The following BLTP3B variants were observed in gnomAD, a reference collection of about 807,000 sequenced individuals.
BLTP3B encodes the protein bridge-like lipid transfer protein family member 3B.
At chr12:100,040,093 T>G in the BLTP3B span, among the ~76,000 whole-genome samples, 4 of 152,208 alleles carry the variant, frequency 2.6e-5, no homozygotes, top group African/African-American at 9.6e-5. Context: ...AAAGGCTTAT[T>G]ATTAGATTAA....
At chr12:100,086,607 C>T in the BLTP3B span, among the ~76,000 whole-genome samples, 1 of 152,152 alleles carries the variant, frequency 6.6e-6, no homozygotes, top group African/African-American at 2.4e-5. Flanking sequence ...TGGTAGAGTT[C>T]ACAGATGATA....
At chr12:100,132,765 C>T in the BLTP3B span, among the ~76,000 whole-genome samples, 227 of 151,656 alleles carry the variant, frequency 1.5e-3, no homozygotes, top group African/African-American at 3.7e-3. Context: ...CTAGCCAACA[C>T]GGTGAAACCC....
the BLTP3B span, among the ~76,000 whole-genome samples, chr12:100,038,396 C>T: frequency 1.8e-4 from 28 of 152,192 alleles, no homozygotes; most frequent in East Asian, 1.2e-3. Flanking sequence ...AATACAATGG[C>T]GCAATCTCAG....
chr12:100,130,982 G>GGAGAGAGAGAGGGAGAGAGAGAGA, the BLTP3B span, among the ~76,000 whole-genome samples: 1 of 62,238 alleles, frequency 1.6e-5, no homozygotes, highest in Non-Finnish European at 2.9e-5. Context: ...AGAGAGGGAG[G>GGAGAGAGAGAGGGAGAGAGAGAGA]GAGAGAGAGA....
the BLTP3B span, chr12:100,097,619 T>A: frequency 1.7e-6 from 2 of 1,166,914 alleles, no homozygotes; most frequent in Admixed American, 2.8e-5. Context: ...ACATGACATT[T>A]TAGATATATT....
the BLTP3B span, chr12:100,095,666 C>T: frequency 6.2e-7 from 1 of 1,604,054 alleles, no homozygotes; most frequent in Non-Finnish European, 8.5e-7. Flanking sequence ...TTATAGCTTA[C>T]CTGTGTAGGT....
chr12:100,089,165 A>G, the BLTP3B span: 1 of 1,317,880 alleles, frequency 7.6e-7, no homozygotes, highest in Non-Finnish European at 1.0e-6. Flanking sequence ...AAATCTAAGT[A>G]TTTTCAGTCG....
the BLTP3B span, among the ~76,000 whole-genome samples, chr12:100,087,843 T>C: frequency 1.3e-5 from 2 of 152,244 alleles, no homozygotes; most frequent in African/African-American, 4.8e-5. Flanking sequence ...TCATTCTTAC[T>C]ACTTAATCTT....
the BLTP3B span, chr12:100,039,745 T>A: frequency 2.5e-6 from 4 of 1,613,262 alleles, no homozygotes; most frequent in South Asian, 4.4e-5. Flanking sequence ...GAATCGCTTT[T>A]GACATTTTCT....
At chr12:100,038,125 T>C in the BLTP3B span, among the ~76,000 whole-genome samples, 7 of 152,214 alleles carry the variant, frequency 4.6e-5, no homozygotes, top group African/African-American at 1.7e-4. Context: ...ATTTATCCAT[T>C]TCAACCTATG....
chr12:100,134,721 G>A, the BLTP3B span, among the ~76,000 whole-genome samples: 19 of 151,922 alleles, frequency 1.3e-4, no homozygotes, highest in African/African-American at 4.1e-4. Context: ...CCAATTTTCC[G>A]ATTTAGTTAA....
the BLTP3B span, among the ~76,000 whole-genome samples, chr12:100,084,016 C>G: frequency 6.6e-6 from 1 of 152,088 alleles, no homozygotes; most frequent in African/African-American, 2.4e-5. Context: ...CAGTGAAACC[C>G]TGGTTCTACT....
At chr12:100,067,850 G>A in the BLTP3B span, among the ~76,000 whole-genome samples, 1 of 152,084 alleles carries the variant, frequency 6.6e-6, no homozygotes, top group Non-Finnish European at 1.5e-5. Flanking sequence ...AGTCATAGAC[G>A]ACACAAACGA....
At chr12:100,130,303 C>G in the BLTP3B span, among the ~76,000 whole-genome samples, 67 of 152,156 alleles carry the variant, frequency 4.4e-4, no homozygotes, top group Non-Finnish European at 8.7e-4. Context: ...ATTCAGACCA[C>G]CTCTGTTTCA....
the BLTP3B span, among the ~76,000 whole-genome samples, chr12:100,048,743 A>C: frequency 7.4e-6 from 1 of 134,532 alleles, no homozygotes; most frequent in African/African-American, 3.0e-5. Context: ...GGGGAGAGAG[A>C]GAGAGAGAGA....
chr12:100,085,508 T>A, the BLTP3B span, among the ~76,000 whole-genome samples: 7 of 152,128 alleles, frequency 4.6e-5, no homozygotes, highest in African/African-American at 1.7e-4. Context: ...ATGTTGGCAA[T>A]GAAAATTTAA....
the BLTP3B span, among the ~76,000 whole-genome samples, chr12:100,132,467 G>A: frequency 2.6e-5 from 4 of 152,090 alleles, no homozygotes; most frequent in Admixed American, 6.6e-5. Context: ...TAGTTCTCAC[G>A]TGCGTAGGTT....
At chr12:100,039,716 T>A in the BLTP3B span, 1 of 1,614,046 alleles carries the variant, frequency 6.2e-7, no homozygotes, top group Non-Finnish European at 8.5e-7. Flanking sequence ...GATCATACTT[T>A]CCACTGGTCA....
the BLTP3B span, among the ~76,000 whole-genome samples, chr12:100,124,781 G>T: frequency 6.6e-6 from 1 of 150,610 alleles, no homozygotes; most frequent in Non-Finnish European, 1.5e-5. Context: ...AATTAGCTGG[G>T]CATGGTGGCA....
Sources: gnomAD v4.1 joint callset for allele counts (sites outside exome capture counted in the v4.1 genomes callset) on GRCh38, gnomAD v4.1.1 for gene constraint, MANE v1.5 for transcripts, NCBI Gene and HGNC (gene_info 2026-07-23, HGNC 2026-07-21) for gene names.